Variants in HERC2 observed in about 807,000 individuals in gnomAD.
HERC2 encodes the protein HECT and RLD domain containing E3 ubiquitin protein ligase 2, also known as E3 ubiquitin-protein ligase HERC2.
In HERC2, 102 loss-of-function variants were observed where a neutral mutation model predicts 537.7. The observed-to-expected ratio is 0.19, with a 90% CI of 0.16 to 0.22. HERC2 has a LOEUF of 0.22. HERC2 is among the 10% of genes least tolerant of loss of function. The pLI is 1.00. For synonymous variants in HERC2, 2,224 were observed against 2,466.2 expected, an observed-to-expected ratio of 0.90 and a Z score of 2.91; for missense variants, 4,236 against 6,198.2, an observed-to-expected ratio of 0.68 and a Z score of 10.63.
In HERC2 at chr15:28,256,160, C is replaced by G; in HGVS notation, c.2675G>C (p.Ser892Thr). 6.2e-7 allele frequency: 1 copy of G among 1,602,152 alleles called. No homozygotes were observed. The highest frequency in any genetic ancestry group is 1.3e-5 in the African/African-American group (1 of 75,050). Reference sequence around the variant, plus strand: ...GGTGGGCAGCAGCACGGACCAGCCACTCTGCAGCACGGCCTGGGCGGCCGA... The same window carrying G: ...GGTGGGCAGCAGCACGGACCAGCCAGTCTGCAGCACGGCCTGGGCGGCCGA... ...VQSAAQAVLQ[S>T]GWSVLLPTAE... The change falls in exon 18 of 93, where the codon AGT (serine) becomes ACT (threonine). Residue 892 changes from serine (S) to threonine (T), a missense_variant. By Grantham distance (58) the Ser-to-Thr change is moderately conservative. Coordinates refer to ENST00000261609, the MANE Select transcript of HERC2 (RefSeq NM_004667.6).
intron 44 of HERC2, among the ~76,000 whole-genome samples, chr15:28,210,267 A>G (rs1045828272): frequency 3.3e-5 from 5 of 152,022 alleles, no homozygotes; most frequent in Non-Finnish European, 7.4e-5. Context: ...CCAAGTAGCT[A>G]GAACTACAGG....
chr15:28,136,300 A>C (rs1293341524), intron 78 of HERC2, among the ~76,000 whole-genome samples: 2 of 150,938 alleles, frequency 1.3e-5, no homozygotes, highest in African/African-American at 4.8e-5. Flanking sequence ...GCTGTTTTAG[A>C]CATCTTTCAA....
At chr15:28,219,302 G>T (rs1323366413) in intron 37 of HERC2, among the ~76,000 whole-genome samples, 1 of 152,244 alleles carries the variant, frequency 6.6e-6, no homozygotes, top group Non-Finnish European at 1.5e-5. Context: ...TGTGGCAAAT[G>T]AGGCCACCCT....
At chr15:28,218,740 T>C in intron 37 of HERC2, 69 bp from the exon 38 acceptor site, 1 of 1,281,720 alleles carries the variant, frequency 7.8e-7, no homozygotes, top group Non-Finnish European at 1.1e-6. Flanking sequence ...TGCATATAAT[T>C]CAACAGCTTT....
intron 4 of HERC2, 49 bp from the exon 5 acceptor site, chr15:28,280,336 A>AG: frequency 2.8e-6 from 4 of 1,451,116 alleles, no homozygotes; most frequent in South Asian, 1.3e-5. Context: ...ATGTGGCCAC[A>AG]GTTTGTTGCA....
chr15:28,301,437 T>G lies in HERC2; in HGVS notation c.73-1921A>C, dbSNP rs1167787213. On this transcript the variant is annotated intron_variant, in intron 2 of 92. Transcript: ENST00000261609. ...CTCAAACAAAAAAAAAAAGCAGCTGTTCAAAGACTGATAGGGACTCCTGAC... is the reference window on the plus strand; with the variant it reads ...CTCAAACAAAAAAAAAAAGCAGCTGGTCAAAGACTGATAGGGACTCCTGAC... Among the ~76,000 whole-genome samples, 4 of 150,934 alleles carry G rather than the reference T, an allele frequency of 2.7e-5. No homozygotes were observed. The Admixed American group carries it at 2.7e-4, about 10-fold the overall frequency.
Position 28,213,645 on chromosome 15 carries a change from C to T in HERC2, c.6786+97G>A. ...CTTCCTGGAAGGCAAACTTCAAGTA[C>T]CAGAATCAAGTTCTTTCAAGTGCTG... On this transcript the variant is annotated intron_variant, in intron 42 of 92. Coordinates refer to ENST00000261609, the MANE Select transcript of HERC2 (RefSeq NM_004667.6). 7 of 1,580,300 alleles carry T rather than the reference C, an allele frequency of 4.4e-6. No homozygotes were observed. In the South Asian group the frequency reaches 8.1e-5, roughly 18 times the overall value.
intron 59 of HERC2, among the ~76,000 whole-genome samples, chr15:28,178,486 G>A (rs559819118): frequency 2.0e-5 from 3 of 152,266 alleles, no homozygotes; most frequent in African/African-American, 4.8e-5. Context: ...ACTGAGCCCC[G>A]TTCAGCATAG....
In HERC2 at chr15:28,116,066, C is replaced by T. The variant is rs139914558; in HGVS notation, c.13610-525G>A. On this transcript the variant is annotated intron_variant, in intron 88 of 92. Transcript: ENST00000261609. Reference sequence around the variant, plus strand: ...CAGTCTCCAGTCCTCAGCACGTGGCCGGGGCTGGCTCTGCCAGTGCCTGCA... The same window carrying T: ...CAGTCTCCAGTCCTCAGCACGTGGCTGGGGCTGGCTCTGCCAGTGCCTGCA... Among the ~76,000 whole-genome samples, 602 of 152,288 alleles carry T rather than the reference C, an allele frequency of 4.0e-3. 4 individuals are homozygous for T. Among genetic ancestry groups the T allele is most frequent in the African/African-American group, 0.014 (573 of 41,572 alleles).
intron 78 of HERC2, among the ~76,000 whole-genome samples, chr15:28,140,518 T>C (rs750036068): frequency 3.9e-5 from 6 of 152,124 alleles, no homozygotes; most frequent in Non-Finnish European, 8.8e-5. Flanking sequence ...TATATATCAG[T>C]GGCAATCTTT....
chr15:28,248,745 G>A lies in HERC2; in HGVS notation c.3051-9C>T, dbSNP rs1371087621. ...TCTGAGAAGCAATGTTTCTATACAG[G>A]AAAGAAGAGGATTACAAAATTAAAC... On this transcript the variant is annotated splice_polypyrimidine_tract_variant and intron_variant, in intron 20 of 92. Transcript: ENST00000261609. 3.1e-6 allele frequency: 5 copies of A among 1,600,124 alleles called. No individual in the cohort carries two copies. Among genetic ancestry groups the A allele is most frequent in the Admixed American group, 3.4e-5 (2 of 58,478 alleles).
At chr15:28,182,371 C>G in intron 57 of HERC2, 30 bp downstream of exon 57, 1 of 1,490,158 alleles carries the variant, frequency 6.7e-7, no homozygotes. Context: ...GAGTGCCCCA[C>G]CCTGCTGGGT....
chr15:28,273,525 C>T (rs1458828035), intron 7 of HERC2, among the ~76,000 whole-genome samples: 1 of 152,204 alleles, frequency 6.6e-6, no homozygotes, highest in Non-Finnish European at 1.5e-5. Flanking sequence ...GAGAAAGGAT[C>T]TTATGGTATC....
intron 83 of HERC2, among the ~76,000 whole-genome samples, chr15:28,126,972 G>A (rs1027505653): frequency 6.6e-5 from 10 of 152,244 alleles, no homozygotes; most frequent in African/African-American, 2.4e-4. Context: ...AGTGCACCGT[G>A]TGGGACCTCA....
At chr15:28,269,118 T>C (rs1234406382) in intron 11 of HERC2, 130 bp downstream of exon 11, 6 of 679,074 alleles carry the variant, frequency 8.8e-6, no homozygotes, top group Non-Finnish European at 1.5e-5. Flanking sequence ...TTAAACATAA[T>C]ATACAATAAA....
intron 3 of HERC2, among the ~76,000 whole-genome samples, chr15:28,297,766 A>G (rs899417082): frequency 4.6e-5 from 7 of 152,050 alleles, no homozygotes; most frequent in Admixed American, 3.9e-4. Context: ...TGTGGGTTAC[A>G]TGGGTTACAT....
intron 3 of HERC2, among the ~76,000 whole-genome samples, chr15:28,297,586 A>C (rs1295864001): frequency 6.6e-6 from 1 of 152,142 alleles, no homozygotes; most frequent in Non-Finnish European, 1.5e-5. Flanking sequence ...AAAGCACTAA[A>C]CAGAGTGAAA....
In HERC2 at chr15:28,296,305, C is replaced by G. The variant is rs2076468117; in HGVS notation, c.187+3097G>C. On this transcript the variant is annotated intron_variant, in intron 3 of 92. Transcript: ENST00000261609. ...CCTGACCAAGATGGTGAAACTCCATCTTTATTAAAAATACAACAATTAGCT... is the reference window on the plus strand; with the variant it reads ...CCTGACCAAGATGGTGAAACTCCATGTTTATTAAAAATACAACAATTAGCT... 2.0e-5 allele frequency among the ~76,000 whole-genome samples: 3 copies of G among 151,996 alleles called. No individual in the cohort carries two copies. In the South Asian group the frequency reaches 6.2e-4, roughly 32 times the overall value.
In HERC2 at chr15:28,135,682, G is replaced by C; in HGVS notation, c.12026C>G (p.Thr4009Ser). 6.2e-7 allele frequency: 1 copy of C among 1,613,312 alleles called. No individual in the cohort carries two copies. Residue 4009 changes from threonine to serine, a missense_variant, in exon 79 of 93, where the codon ACT (threonine) becomes AGT (serine). This residue lies in a region of HERC2 where 43 missense variants were observed against 82.6 expected (regional missense o/e 0.52). Coordinates refer to ENST00000261609, the MANE Select transcript of HERC2 (RefSeq NM_004667.6). ...TAGTCTGCCACCTGCACCATACCCA[G>C]TGGCATACAGCTAAGAAAAGAAAAA... ...AVTADGKLYATGYGAGGRLGI... is the reference protein window; with the variant it reads ...AVTADGKLYASGYGAGGRLGI...
Sources: gnomAD v4.1 joint callset for allele counts (sites outside exome capture counted in the v4.1 genomes callset) on GRCh38, gnomAD v4.1.1 for gene constraint, gnomAD v4.1.1 regional missense constraint, MANE v1.5 for transcripts, NCBI Gene and HGNC (gene_info 2026-07-23, HGNC 2026-07-21) for gene names.